Variants in LRPPRC observed in about 807,000 individuals in gnomAD.
LRPPRC encodes the protein leucine-rich PPR motif-containing protein, mitochondrial.
In LRPPRC, 120 loss-of-function variants were observed where a neutral mutation model predicts 180.3. That is an observed-to-expected ratio of 0.67 (90% CI 0.57 to 0.77). The LOEUF is 0.77. Ranked by LOEUF, LRPPRC falls within the 30% of genes least tolerant of loss-of-function variation. The probability of loss-of-function intolerance (pLI) is 0.00; values close to 1 mark genes in which losing one functional copy is unlikely to be tolerated. For missense variants in LRPPRC, 2,012 were observed against 1,657.2 expected (o/e 1.21, Z -3.72); for synonymous variants, 723 against 600.0 (o/e 1.21, Z -3.00).
Position 43,974,167 on chromosome 2 carries a change from A to C in LRPPRC, c.1138T>G (p.Cys380Gly). The C allele has an allele frequency of 1.2e-6, 2 of 1,613,814 alleles. No individual in the cohort carries two copies. Among genetic ancestry groups the C allele is most frequent in the Non-Finnish European group, 1.7e-6 (2 of 1,179,674 alleles). ...SVFGSFFLQHCVTMNTPVEKL... is the reference protein window; with the variant it reads ...SVFGSFFLQHGVTMNTPVEKL... ...CAGAATACCGTATTCATAGTCACAC[A>C]GTGTTGTAAAAAGAAACTGCCAAAG... The change falls in exon 9 of 38, where the codon TGT becomes GGT. Residue 380 changes from cysteine to glycine, a missense_variant. Transcript: ENST00000260665.
rs753847360 is a variant in LRPPRC, at chr2:43,960,612, C to G, written c.1511G>C (p.Ser504Thr). 2 of 1,596,358 alleles carry G rather than the reference C, an allele frequency of 1.3e-6. No individual in the cohort carries two copies. The highest frequency in any genetic ancestry group is 3.3e-5 in the Admixed American group (2 of 59,996). Residue 504 changes from serine (S) to threonine (T), a missense_variant, in exon 13 of 38, where the codon AGT becomes ACT. Physicochemically the swap from Ser to Thr is moderately conservative, Grantham distance 58. Coordinates refer to ENST00000260665, the MANE Select transcript of LRPPRC (RefSeq NM_133259.4). ...CAATCCAGCTTGAGAAAACATATCA[C>G]TATCAGACAGACATCCATTTTCCTG... ...ILQENGCLSDSDMFSQAGLRS... is the reference protein window; with the variant it reads ...ILQENGCLSDTDMFSQAGLRS...
At chr2:43,964,771 T>C (rs961632439) in intron 11 of LRPPRC, among the ~76,000 whole-genome samples, 4 of 152,092 alleles carry the variant, frequency 2.6e-5, no homozygotes, top group Non-Finnish European at 5.9e-5. Context: ...GTTCACCATA[T>C]ACAAAATTAC....
At position 43,973,885 on chromosome 2, in the gene LRPPRC, T is replaced by A. The variant is rs1235074142; in HGVS notation, c.1171A>T (p.Thr391Ser). The stretch of plus-strand genomic sequence containing the variant: ...TCCTTTAACTTCTTACAGTAGTCTG[T>A]TAGCTTCTCCACAGGCTGTGGGAAA... ...VTMNTPVEKL[T>S]DYCKKLKEVQ... The change falls in exon 10 of 38, where the codon ACA becomes TCA. Residue 391 changes from threonine to serine, a missense_variant. Coordinates refer to ENST00000260665, the MANE Select transcript of LRPPRC (RefSeq NM_133259.4). 2 of 1,608,050 alleles carry A rather than the reference T, an allele frequency of 1.2e-6. No individual in the cohort carries two copies. The highest frequency in any genetic ancestry group is 2.7e-5 in the African/African-American group (2 of 74,768).
intron 37 of LRPPRC, 36 bp from the exon 38 acceptor site, chr2:43,888,692 C>A (rs751774152): frequency 1.7e-6 from 2 of 1,155,620 alleles, no homozygotes; most frequent in East Asian, 4.7e-5. Flanking sequence ...GTTAGAGATA[C>A]CAGCAAGAGG....
Position 43,974,141 on chromosome 2 carries a change from A to G in LRPPRC, c.1155+9T>C. 1 of 1,612,686 alleles carries G rather than the reference A, an allele frequency of 6.2e-7. No individual in the cohort carries two copies. Among genetic ancestry groups the G allele is most frequent in the Non-Finnish European group, 8.5e-7 (1 of 1,178,644 alleles). On this transcript the variant is annotated intron_variant, in intron 9 of 37. Coordinates refer to ENST00000260665, the MANE Select transcript of LRPPRC (RefSeq NM_133259.4). ...TACATTGTCTACAAAGTAAAAGTGG[A>G]CAGAATACCGTATTCATAGTCACAC...
Position 43,934,788 on chromosome 2 carries a change from C to T in LRPPRC, c.2595G>A (p.Leu865=). 1 of 1,612,272 alleles carries T rather than the reference C, an allele frequency of 6.2e-7. No homozygotes were observed. The highest frequency in any genetic ancestry group is 8.5e-7 in the Non-Finnish European group (1 of 1,178,384). ...TTAGATCAGTCTCGCCTTTCTCTAC[C>T]AGTTTACACAAGACATCATGAATCC... The part of the protein sequence containing the change: ...LPRIHDVLCK[L]VEKGETDLIQ... Residue 865 remains leucine (L), a synonymous_variant, in exon 24 of 38, where the codon CTG becomes CTA. Coordinates refer to ENST00000260665, the MANE Select transcript of LRPPRC (RefSeq NM_133259.4).
chr2:43,976,302 G>A (rs1052039303), intron 5 of LRPPRC, 73 bp from the exon 6 acceptor site: 23 of 829,388 alleles, frequency 2.8e-5, no homozygotes, highest in Admixed American at 5.5e-5. Flanking sequence ...ACAGAATTAG[G>A]CCTTGAGTTA....
intron 13 of LRPPRC, among the ~76,000 whole-genome samples, chr2:43,958,743 A>G (rs962842901): frequency 1.3e-5 from 2 of 152,138 alleles, no homozygotes; most frequent in African/African-American, 4.8e-5. Flanking sequence ...ACTGTTCTCT[A>G]CTACCTGACA....
intron 29 of LRPPRC, among the ~76,000 whole-genome samples, chr2:43,915,241 CA>C (rs1671422569): frequency 9.6e-6 from 1 of 104,380 alleles, no homozygotes; most frequent in Non-Finnish European, 1.9e-5. Flanking sequence ...CTCACACACA[CA>C]CACACACACA....
At chr2:43,990,784 C>G (rs1674739627) in intron 1 of LRPPRC, among the ~76,000 whole-genome samples, 1 of 151,776 alleles carries the variant, frequency 6.6e-6, no homozygotes, top group Admixed American at 6.6e-5. Context: ...TAAATCTACA[C>G]TCACAGAGCA....
intron 11 of LRPPRC, 52 bp downstream of exon 11, chr2:43,973,555 T>C: frequency 1.8e-6 from 2 of 1,130,800 alleles, no homozygotes; most frequent in Non-Finnish European, 2.7e-6. Context: ...GCGTGCAAAC[T>C]GTCATACTGG....
intron 30 of LRPPRC, 80 bp downstream of exon 30, chr2:43,912,352 C>A: frequency 7.7e-7 from 1 of 1,294,080 alleles, no homozygotes; most frequent in Non-Finnish European, 1.1e-6. Flanking sequence ...CTACACAGCA[C>A]ATTACTATTA....
chr2:43,992,384 G>A (rs1226520720), intron 1 of LRPPRC, among the ~76,000 whole-genome samples: 2 of 152,250 alleles, frequency 1.3e-5, no homozygotes, highest in African/African-American at 2.4e-5. Context: ...AAGCCCTGCT[G>A]TAGAGCACTT....
chr2:43,893,716 A>G (rs1670579219), intron 36 of LRPPRC, among the ~76,000 whole-genome samples: 1 of 152,206 alleles, frequency 6.6e-6, no homozygotes, highest in South Asian at 2.1e-4. Flanking sequence ...CATATCTTCC[A>G]GGTATGCCTG....
intron 11 of LRPPRC, among the ~76,000 whole-genome samples, chr2:43,971,498 A>AAAAAAAAAG (rs1673806530): frequency 6.8e-6 from 1 of 147,420 alleles, no homozygotes; most frequent in Non-Finnish European, 1.5e-5. Context: ...AAAAAAAAAA[A>AAAAAAAAAG]AAAAAAGAAA....
Position 43,896,772 on chromosome 2 carries a change from AT to A in LRPPRC, c.3826-65del, listed in dbSNP as rs1297523641. On this transcript the variant is annotated intron_variant, in intron 34 of 37. Coordinates refer to ENST00000260665, the MANE Select transcript of LRPPRC (RefSeq NM_133259.4). ...GATAAACAAGTGGATCAAACTGAAT[AT>A]TTCCAATTAAGAAAGTTCACAATAA... 5 of 949,982 alleles carry A rather than the reference AT, an allele frequency of 5.3e-6. No individual in the cohort carries two copies. In the East Asian group the frequency reaches 1.2e-4, roughly 23 times the overall value. The allele number at this position is 949,982 out of a possible 1,614,324, so 58.8% of individuals were successfully genotyped here. A position where few individuals can be genotyped will look rare whatever the true frequency, so the allele number is the denominator to read the frequency against.
At chr2:43,975,388 A>C (rs979209810) in intron 6 of LRPPRC, among the ~76,000 whole-genome samples, 171 bp from the exon 7 acceptor site, 1 of 152,218 alleles carries the variant, frequency 6.6e-6, no homozygotes, top group African/African-American at 2.4e-5. Context: ...GAAATAATAA[A>C]GATCATAAAC....
intron 2 of LRPPRC, among the ~76,000 whole-genome samples, chr2:43,981,557 T>C (rs1205162469): frequency 5.3e-5 from 8 of 151,592 alleles, no homozygotes; most frequent in South Asian, 2.1e-4. Context: ...CTTGGGAGGC[T>C]GAGGCAGGAG....
rs1339223259 is a variant in LRPPRC, at chr2:43,943,870, A to G, written c.2321T>C (p.Met774Thr). ...TTTGATAAGAACATCCTTCTCTTTC[A>G]TCTCCTTCAGAATGTTAATAGCATC... The part of the protein sequence containing the change: ...LQDAINILKE[M>T]KEKDVLIKDT... The change falls in exon 23 of 38, where the codon ATG becomes ACG. Residue 774 changes from methionine to threonine, a missense_variant. Transcript: ENST00000260665. The G allele has an allele frequency of 2.5e-6, 4 of 1,612,860 alleles. No individual in the cohort carries two copies. Among genetic ancestry groups the G allele is most frequent in the Non-Finnish European group, 1.7e-6 (2 of 1,179,114 alleles).
Sources: allele counts gnomAD v4.1 joint callset (sites outside exome capture counted in the v4.1 genomes callset), GRCh38; gene constraint gnomAD v4.1.1; transcripts MANE v1.5; gene names NCBI Gene and HGNC (gene_info 2026-07-23, HGNC 2026-07-21).